Variants in LARGE1 observed in about 807,000 individuals in gnomAD.
LARGE1 encodes the protein xylosyl- and glucuronyltransferase LARGE1.
In LARGE1, 43 loss-of-function variants were observed where a neutral mutation model predicts 87.6. The observed-to-expected ratio is 0.49, with a 90% confidence interval of 0.38 to 0.63. LARGE1 has a LOEUF of 0.63. Ranked by LOEUF, LARGE1 falls within the 30% of genes least tolerant of loss-of-function variation. LARGE1 has a pLI of 0.00. For missense variants in LARGE1, 802 were observed against 1,000.2 expected, an observed-to-expected ratio of 0.80 and a Z score of 2.67; for synonymous variants, 434 against 394.6, an observed-to-expected ratio of 1.10 and a Z score of -1.18.
At chr22:33,299,094 C>T (rs1396971708) in intron 12 of LARGE1, among the ~76,000 whole-genome samples, 1 of 151,898 alleles carries the variant, frequency 6.6e-6, no homozygotes, top group African/African-American at 2.4e-5. Flanking sequence ...TGCCTATAAT[C>T]CCAGCTACTG....
At chr22:33,575,664 G>A (rs1283867010) in intron 5 of LARGE1, among the ~76,000 whole-genome samples, 1 of 152,132 alleles carries the variant, frequency 6.6e-6, no homozygotes, top group Non-Finnish European at 1.5e-5. Flanking sequence ...TACAACCCTA[G>A]CCCAAAATAA....
At chr22:33,782,553 A>G in intron 1 of LARGE1, among the ~76,000 whole-genome samples, 1 of 152,186 alleles carries the variant, frequency 6.6e-6, no homozygotes, top group East Asian at 1.9e-4. Context: ...CATCACATAG[A>G]TTAGCTACTA....
At chr22:33,649,002 C>T (rs2080707976) in intron 3 of LARGE1, among the ~76,000 whole-genome samples, 1 of 152,200 alleles carries the variant, frequency 6.6e-6, no homozygotes, top group Non-Finnish European at 1.5e-5. Flanking sequence ...CGCCCAGGTT[C>T]TCTGGGCTTG....
At chr22:33,376,126 C>T (rs1303541315) in intron 9 of LARGE1, among the ~76,000 whole-genome samples, 1 of 152,134 alleles carries the variant, frequency 6.6e-6, no homozygotes, top group East Asian at 1.9e-4. Context: ...GAAACACTCA[C>T]TGCATGCCCA....
At chr22:33,811,980 A>C (rs2086511036) in intron 1 of LARGE1, among the ~76,000 whole-genome samples, 1 of 152,188 alleles carries the variant, frequency 6.6e-6, no homozygotes. Context: ...TAAGTAAGAG[A>C]GGAACAAGGA....
chr22:33,822,656 C>G (rs559886394), intron 1 of LARGE1, among the ~76,000 whole-genome samples: 1 of 152,206 alleles, frequency 6.6e-6, no homozygotes, highest in Admixed American at 6.5e-5. Context: ...CGAGATCACG[C>G]CACTGCATTC....
At chr22:33,707,663 T>C (rs185185013) in intron 2 of LARGE1, among the ~76,000 whole-genome samples, 1 of 152,334 alleles carries the variant, frequency 6.6e-6, no homozygotes, top group African/African-American at 2.4e-5. Context: ...AAATTCTCCA[T>C]TTGGCCCTGT....
intron 1 of LARGE1, among the ~76,000 whole-genome samples, chr22:33,802,322 G>C (rs1465282721): frequency 6.6e-6 from 1 of 152,184 alleles, no homozygotes; most frequent in African/African-American, 2.4e-5. Flanking sequence ...TCATCACTTA[G>C]AGAAGAGCTC....
intron 6 of LARGE1, among the ~76,000 whole-genome samples, chr22:33,442,482 A>G (rs1033885578): frequency 2.0e-5 from 3 of 152,130 alleles, no homozygotes; most frequent in Non-Finnish European, 4.4e-5. Flanking sequence ...ATTCTGATAC[A>G]GGGTAGGTTT....
chr22:33,666,990 C>T (rs904425601), intron 2 of LARGE1, among the ~76,000 whole-genome samples: 7 of 152,128 alleles, frequency 4.6e-5, no homozygotes, highest in African/African-American at 7.2e-5. Context: ...AGAAATAAAC[C>T]CCACATCCCA....
chr22:33,809,096 A>AC (rs1349140164), intron 1 of LARGE1, among the ~76,000 whole-genome samples: 1 of 151,930 alleles, frequency 6.6e-6, no homozygotes, highest in African/African-American at 2.4e-5. Context: ...ACATGGAGAA[A>AC]CCCCATCTCT....
Position 33,564,048 on chromosome 22 carries a change from A to T in LARGE1, c.787+800T>A, listed in dbSNP as rs73882261. On this transcript the variant is annotated intron_variant, in intron 6 of 14. Transcript: ENST00000397394. ...AGGATATGGAGCTAAGAGGAATGGC[A>T]GAAGGGATTTTAAACACAGAAGGGG... Among the ~76,000 whole-genome samples the T allele has an allele frequency of 9.6e-3, 1,466 of 152,348 alleles. 22 individuals carry two copies. Among genetic ancestry groups the T allele is most frequent in the African/African-American group, 0.034 (1,412 of 41,590 alleles).
At chr22:33,382,789 T>C (rs920088446) in intron 8 of LARGE1, among the ~76,000 whole-genome samples, 2 of 152,148 alleles carry the variant, frequency 1.3e-5, no homozygotes, top group African/African-American at 4.8e-5. Context: ...GGGGACATGC[T>C]CAAGTCACTG....
Position 33,818,329 on chromosome 22 carries a change from C to T in LARGE1, c.-82-56771G>A, listed in dbSNP as rs146087094. 1.8e-3 allele frequency among the ~76,000 whole-genome samples: 279 copies of T among 152,258 alleles called. 1 individual carries two copies. Among genetic ancestry groups the T allele is most frequent in the African/African-American group, 6.3e-3 (262 of 41,550 alleles). On this transcript the variant is annotated intron_variant, in intron 1 of 14. Transcript: ENST00000397394. ...CGCTGCAAGGAGAACATACACTCTACAAGGACAGGAACCCTATCAACTCAC... is the reference window on the plus strand; with the variant it reads ...CGCTGCAAGGAGAACATACACTCTATAAGGACAGGAACCCTATCAACTCAC...
In LARGE1 at chr22:33,730,101, T is replaced by G. The variant is rs143782403; in HGVS notation, c.106+31270A>C. 4.5e-4 allele frequency among the ~76,000 whole-genome samples: 69 copies of G among 152,212 alleles called. 1 individual carries two copies. The highest frequency in any genetic ancestry group is 1.5e-3 in the African/African-American group (63 of 41,530). ...CATGAGTCCACAAATACACAGATTT[T>G]CTCTTGCCTCTGCCACCCCTGAGAC... is the stretch of plus-strand genomic sequence containing the variant. On this transcript the variant is annotated intron_variant, in intron 2 of 14. Coordinates refer to ENST00000397394, the MANE Select transcript of LARGE1 (RefSeq NM_133642.5).
chr22:33,501,711 T>C (rs1358002209), intron 6 of LARGE1, among the ~76,000 whole-genome samples: 1 of 152,180 alleles, frequency 6.6e-6, no homozygotes, highest in Non-Finnish European at 1.5e-5. Context: ...GCCTGGACTA[T>C]GACTCTCCAC....
intron 1 of LARGE1, among the ~76,000 whole-genome samples, chr22:33,882,017 C>CG (rs770071205): frequency 6.6e-6 from 1 of 150,422 alleles, no homozygotes; most frequent in Non-Finnish European, 1.5e-5. Flanking sequence ...ATTATCTTTG[C>CG]GGGGTTTTTT....
intron 2 of LARGE1, among the ~76,000 whole-genome samples, chr22:33,742,438 G>A (rs2083919311): frequency 1.3e-5 from 2 of 152,032 alleles, no homozygotes; most frequent in African/African-American, 4.8e-5. Flanking sequence ...CGAGCACAAT[G>A]TGTGCAAGGA....
intron 2 of LARGE1, among the ~76,000 whole-genome samples, chr22:33,677,353 T>C (rs984958361): frequency 2.4e-4 from 36 of 151,302 alleles, no homozygotes; most frequent in African/African-American, 6.8e-4. Context: ...AAGGACAGTT[T>C]AACATAAACA....
Sources: allele counts gnomAD v4.1 joint callset (sites outside exome capture counted in the v4.1 genomes callset), GRCh38; gene constraint gnomAD v4.1.1; transcripts MANE v1.5; gene names NCBI Gene and HGNC (gene_info 2026-07-23, HGNC 2026-07-21).